The following HS6ST3 variants were observed in gnomAD, a reference collection of about 807,000 sequenced individuals.
The protein encoded by HS6ST3 is heparan sulfate 6-O-sulfotransferase 3.
HS6ST3 carries 12 observed loss-of-function variants against 36.7 expected under a neutral mutation model. The observed-to-expected ratio is 0.33, with a 90% confidence interval of 0.21 to 0.53. The LOEUF (loss-of-function observed/expected upper bound fraction) is 0.53, where lower values mean the gene tolerates loss of function less well. HS6ST3 is among the 20% of genes least tolerant of loss of function. HS6ST3 has a pLI of 0.95. For synonymous variants in HS6ST3, 240 were observed against 257.5 expected (o/e 0.93, Z 0.65); for missense variants, 584 against 640.9 (o/e 0.91, Z 0.96).
chr13:96,200,766 G>C (rs919252406), intron 1 of HS6ST3, among the ~76,000 whole-genome samples: 4 of 152,166 alleles, frequency 2.6e-5, no homozygotes, highest in African/African-American at 9.7e-5. Flanking sequence ...GATGGCTACA[G>C]AATATACCTT....
intron 1 of HS6ST3, among the ~76,000 whole-genome samples, chr13:96,561,127 A>G (rs1222715138): frequency 6.6e-6 from 1 of 152,166 alleles, no homozygotes; most frequent in Non-Finnish European, 1.5e-5. Flanking sequence ...CTGACATCAA[A>G]CTACACCATA....
chr13:96,523,804 T>C (rs1195612409), intron 1 of HS6ST3, among the ~76,000 whole-genome samples: 1 of 152,220 alleles, frequency 6.6e-6, no homozygotes, highest in Non-Finnish European at 1.5e-5. Context: ...GGTTACAACA[T>C]GCTCCCTTAG....
chr13:96,644,097 G>A (rs544094658), intron 1 of HS6ST3, among the ~76,000 whole-genome samples: 2 of 151,968 alleles, frequency 1.3e-5, no homozygotes, highest in Admixed American at 1.3e-4. Flanking sequence ...ACTATTAAAA[G>A]ACTCAATAAA....
chr13:96,773,492 G>T lies in HS6ST3; in HGVS notation c.708-58998G>T, dbSNP rs530805431. ...CTGGGACACTCGAGCTTGGTCCGGG[G>T]AGAGGCATCCACCATTACTGAGGCT... is the stretch of plus-strand genomic sequence containing the variant. On this transcript the variant is annotated intron_variant, in intron 1 of 1. Transcript: ENST00000376705. Among the ~76,000 whole-genome samples, 12 of 152,256 alleles carry T rather than the reference G, an allele frequency of 7.9e-5. No homozygotes were observed. In the South Asian group the frequency reaches 2.5e-3, roughly 32 times the overall value.
At chr13:96,515,106 C>T (rs1333213398) in intron 1 of HS6ST3, among the ~76,000 whole-genome samples, 1 of 152,192 alleles carries the variant, frequency 6.6e-6, no homozygotes, top group Non-Finnish European at 1.5e-5. Flanking sequence ...AGTTGATTGG[C>T]AGCTGCGCAC....
intron 1 of HS6ST3, among the ~76,000 whole-genome samples, chr13:96,770,926 G>A (rs1184234180): frequency 1.3e-5 from 2 of 152,198 alleles, no homozygotes; most frequent in African/African-American, 4.8e-5. Flanking sequence ...GATCAGCAAT[G>A]TATGGAAAGC....
At chr13:96,456,196 T>G (rs1297388316) in intron 1 of HS6ST3, among the ~76,000 whole-genome samples, 1 of 152,244 alleles carries the variant, frequency 6.6e-6, no homozygotes, top group Non-Finnish European at 1.5e-5. Flanking sequence ...ATAGAATTAC[T>G]GTATAATCAC....
intron 1 of HS6ST3, among the ~76,000 whole-genome samples, chr13:96,170,106 C>T (rs1489885832): frequency 6.6e-6 from 1 of 152,194 alleles, no homozygotes; most frequent in African/African-American, 2.4e-5. Context: ...ATGACCATCA[C>T]ATAATCCACA....
At chr13:96,263,089 T>G (rs1042729916) in intron 1 of HS6ST3, among the ~76,000 whole-genome samples, 1 of 152,198 alleles carries the variant, frequency 6.6e-6, no homozygotes, top group Non-Finnish European at 1.5e-5. Flanking sequence ...GGTACCATGA[T>G]TTTGAAGTAA....
intron 1 of HS6ST3, among the ~76,000 whole-genome samples, chr13:96,194,753 C>T (rs1381823716): frequency 2.6e-5 from 4 of 151,814 alleles, no homozygotes; most frequent in South Asian, 2.1e-4. Context: ...ACCTCCCCCA[C>T]AAGCCCCCGC....
chr13:96,636,703 A>G (rs1051263596), intron 1 of HS6ST3, among the ~76,000 whole-genome samples: 1 of 152,176 alleles, frequency 6.6e-6, no homozygotes, highest in African/African-American at 2.4e-5. Context: ...TATGGAATTG[A>G]CATAAATCTA....
chr13:96,533,007 C>T lies in HS6ST3; in HGVS notation c.708-299483C>T, dbSNP rs148457706. ...AGCTGTTTCCAGGAGGTGGTTTGCA[C>T]GCAGCATTTCTAGGCAGGAGGTTAA... is the stretch of plus-strand genomic sequence containing the variant. On this transcript the variant is annotated intron_variant, in intron 1 of 1. Transcript: ENST00000376705. Among the ~76,000 whole-genome samples, 26 of 152,238 alleles carry T rather than the reference C, an allele frequency of 1.7e-4. No homozygotes were observed. In the Middle Eastern group the frequency reaches 0.01, roughly 60 times the overall value.
chr13:96,147,701 G>C (rs1490692202), intron 1 of HS6ST3, among the ~76,000 whole-genome samples: 1 of 152,168 alleles, frequency 6.6e-6, no homozygotes, highest in Non-Finnish European at 1.5e-5. Flanking sequence ...TCCAGGGCTG[G>C]TTCCCACCTT....
chr13:96,210,390 A>G (rs1325460026), intron 1 of HS6ST3, among the ~76,000 whole-genome samples: 1 of 152,220 alleles, frequency 6.6e-6, no homozygotes, highest in Non-Finnish European at 1.5e-5. Flanking sequence ...GTAGAGGCAC[A>G]GGCAACTTTG....
At chr13:96,326,135 A>G (rs1054710056) in intron 1 of HS6ST3, among the ~76,000 whole-genome samples, 11 of 151,446 alleles carry the variant, frequency 7.3e-5, no homozygotes. Flanking sequence ...TTATGAAGAC[A>G]TAATTTGAAA....
intron 1 of HS6ST3, among the ~76,000 whole-genome samples, chr13:96,779,702 C>T (rs1385721949): frequency 6.7e-6 from 1 of 149,744 alleles, no homozygotes; most frequent in African/African-American, 2.5e-5. Flanking sequence ...GACCAGTGAA[C>T]ATGGTGAGAC....
chr13:96,800,811 C>A (rs953627233), intron 1 of HS6ST3, among the ~76,000 whole-genome samples: 1 of 152,080 alleles, frequency 6.6e-6, no homozygotes, highest in African/African-American at 2.4e-5. Flanking sequence ...ATCAATTTCT[C>A]CCTCTTTTGT....
intron 1 of HS6ST3, among the ~76,000 whole-genome samples, chr13:96,265,225 A>G (rs990135836): frequency 7.9e-5 from 12 of 151,960 alleles, no homozygotes; most frequent in African/African-American, 2.9e-4. Flanking sequence ...CACCCAGGCT[A>G]GGTGCAGTTA....
At chr13:96,341,225 T>A (rs1034129947) in intron 1 of HS6ST3, among the ~76,000 whole-genome samples, 3 of 152,170 alleles carry the variant, frequency 2.0e-5, no homozygotes, top group African/African-American at 7.2e-5. Context: ...ATTAAAACAA[T>A]CAAATAAAGA....
Sources: allele counts gnomAD v4.1 joint callset (sites outside exome capture counted in the v4.1 genomes callset), GRCh38; gene constraint gnomAD v4.1.1; transcripts MANE v1.5; gene names NCBI Gene and HGNC (gene_info 2026-07-23, HGNC 2026-07-21).